The following EPHB1 variants were observed in gnomAD, a reference collection of about 807,000 sequenced individuals.
The protein encoded by EPHB1 is EPH receptor B1, also known as ephrin type-B receptor 1.
Under a neutral mutation model 94.4 loss-of-function variants are expected in EPHB1, and 30 were observed. The ratio of observed to expected loss-of-function variants is 0.32; its 90% CI spans 0.24 to 0.43. The LOEUF is 0.43. Ranked by LOEUF, EPHB1 falls within the 20% of genes least tolerant of loss-of-function variation. The probability of loss-of-function intolerance (pLI) is 1.00; values close to 1 mark genes in which losing one functional copy is unlikely to be tolerated. For missense variants in EPHB1, 1,055 were observed against 1,308.3 expected (o/e 0.81, Z 2.99); for synonymous variants, 522 against 489.1 (o/e 1.07, Z -0.89).
chr3:134,948,762 G>C (rs2039264064), intron 2 of EPHB1, among the ~76,000 whole-genome samples: 1 of 152,266 alleles, frequency 6.6e-6, no homozygotes, highest in Admixed American at 6.5e-5. Context: ...CCAGCGATGT[G>C]CTGCAGCCCC....
At chr3:135,248,963 A>G (rs1035587767) in intron 14 of EPHB1, among the ~76,000 whole-genome samples, 5 of 152,006 alleles carry the variant, frequency 3.3e-5, no homozygotes, top group African/African-American at 9.7e-5. Context: ...TGTTACCAAT[A>G]TATCTGGGGA....
intron 1 of EPHB1, among the ~76,000 whole-genome samples, chr3:134,847,452 ATTAAGT>A (rs1453820660): frequency 3.3e-5 from 5 of 152,198 alleles, no homozygotes; most frequent in African/African-American, 4.8e-5. Context: ...CATGGGGAGG[ATTAAGT>A]GAGATGCTGT....
chr3:135,236,157 CAGGGTCGTT>C, intron 12 of EPHB1, among the ~76,000 whole-genome samples: 1 of 152,282 alleles, frequency 6.6e-6, no homozygotes, highest in East Asian at 1.9e-4. Context: ...AAGGTGTTGG[CAGGGTCGTT>C]CTCCCTTTGA....
intron 1 of EPHB1, among the ~76,000 whole-genome samples, chr3:134,878,874 C>G (rs1308344141): frequency 6.6e-6 from 1 of 152,156 alleles, no homozygotes; most frequent in Admixed American, 6.5e-5. Flanking sequence ...TAGAGGACAA[C>G]TTTTGATGAA....
chr3:134,796,871 T>TG (rs1271756530), intron 1 of EPHB1, among the ~76,000 whole-genome samples: 2 of 152,232 alleles, frequency 1.3e-5, no homozygotes, highest in African/African-American at 4.8e-5. Flanking sequence ...CGTTCCCATC[T>TG]GGGAGCTCGC....
At chr3:134,971,284 A>C (rs1018414766) in intron 3 of EPHB1, among the ~76,000 whole-genome samples, 9 of 152,184 alleles carry the variant, frequency 5.9e-5, no homozygotes, top group Non-Finnish European at 1.5e-5. Context: ...TGTTCTCTGC[A>C]AATGGAGCTC....
chr3:134,922,594 T>C (rs2107700547), intron 1 of EPHB1, among the ~76,000 whole-genome samples: 1 of 152,202 alleles, frequency 6.6e-6, no homozygotes. Context: ...AGAAGTAAGG[T>C]TGATTCTTTT....
chr3:134,998,205 T>C (rs1298255199), intron 3 of EPHB1, among the ~76,000 whole-genome samples: 1 of 152,248 alleles, frequency 6.6e-6, no homozygotes, highest in East Asian at 1.9e-4. Context: ...TTCTGGGTCA[T>C]GACTGTCTTT....
At chr3:134,831,701 C>T (rs1237281092) in intron 1 of EPHB1, among the ~76,000 whole-genome samples, 4 of 152,218 alleles carry the variant, frequency 2.6e-5, no homozygotes, top group Non-Finnish European at 5.9e-5. Context: ...TCCCTGCCTT[C>T]AGGCCACTGT....
intron 1 of EPHB1, among the ~76,000 whole-genome samples, chr3:134,915,794 A>T (rs2038556570): frequency 6.6e-6 from 1 of 152,086 alleles, no homozygotes; most frequent in South Asian, 2.1e-4. Flanking sequence ...GAAGCTGCAG[A>T]CCTTCGCGGT....
intron 3 of EPHB1, among the ~76,000 whole-genome samples, chr3:135,065,666 A>G (rs1180093717): frequency 1.3e-5 from 2 of 152,168 alleles, no homozygotes; most frequent in Admixed American, 6.5e-5. Flanking sequence ...TTTTAAGTGG[A>G]GCATTTAGAC....
At chr3:134,969,812 G>A (rs972475856) in intron 3 of EPHB1, among the ~76,000 whole-genome samples, 3 of 152,134 alleles carry the variant, frequency 2.0e-5, no homozygotes, top group Non-Finnish European at 4.4e-5. Context: ...ATTCTGAGAT[G>A]AGGTCTTAAA....
intron 3 of EPHB1, among the ~76,000 whole-genome samples, chr3:135,077,219 C>T (rs1937966351): frequency 6.6e-6 from 1 of 152,166 alleles, no homozygotes. Context: ...TGGGACAAGT[C>T]TCAGCCTCCA....
chr3:134,840,049 T>A (rs1162027487), intron 1 of EPHB1, among the ~76,000 whole-genome samples: 1 of 152,184 alleles, frequency 6.6e-6, no homozygotes, highest in Non-Finnish European at 1.5e-5. Flanking sequence ...AATCTCTTTT[T>A]TTCTACACTC....
Position 134,829,577 on chromosome 3 carries a change from C to T in EPHB1, c.58+33888C>T, listed in dbSNP as rs140812083. Among the ~76,000 whole-genome samples the T allele has an allele frequency of 6.6e-5, 10 of 152,204 alleles. No individual in the cohort carries two copies. The South Asian group carries it at 1.0e-3, about 16-fold the overall frequency. On this transcript the variant is annotated intron_variant, in intron 1 of 15. Coordinates refer to ENST00000398015, the MANE Select transcript of EPHB1 (RefSeq NM_004441.5). The stretch of plus-strand genomic sequence containing the variant: ...CTTTTAATTTTGAAATAATTTCAGA[C>T]CTAGAGAAAAGTTTTAAGTATATTA...
chr3:134,991,533 C>T (rs1934798389), intron 3 of EPHB1, among the ~76,000 whole-genome samples: 1 of 152,160 alleles, frequency 6.6e-6, no homozygotes, highest in African/African-American at 2.4e-5. Context: ...AATACCCTCT[C>T]AGCATGCTCC....
chr3:135,259,495 T>G lies in EPHB1; in HGVS notation c.*375T>G, dbSNP rs1259909427. 1 of 216,310 alleles carries G rather than the reference T, an allele frequency of 4.6e-6. No individual in the cohort carries two copies. Among genetic ancestry groups the G allele is most frequent in the Non-Finnish European group, 9.3e-6 (1 of 107,450 alleles). The allele number at this position is 216,310 out of a possible 1,614,324, so 13.4% of individuals were successfully genotyped here. On this transcript the variant is annotated 3_prime_UTR_variant, in exon 16 of 16. Coordinates refer to ENST00000398015, the MANE Select transcript of EPHB1 (RefSeq NM_004441.5). ...TAGAGGGAAGAAACAGAAGCAGTGT[T>G]CCATTTTCTTCCTCACCAATGACAT...
chr3:135,181,081 TCTGTTCA>T lies in EPHB1; in HGVS notation c.1882+1103_1882+1109del, dbSNP rs1296618489. Among the ~76,000 whole-genome samples the T allele has an allele frequency of 5.9e-5, 9 of 152,346 alleles. No homozygotes were observed. In the East Asian group the frequency reaches 1.5e-3, roughly 26 times the overall value. ...TCTTTAGGGGGAATGTCACCATCTT[TCTGTTCA>T]CTGCTCTCTTAATGCACTCAGGGGT... On this transcript the variant is annotated intron_variant, in intron 10 of 15. Transcript: ENST00000398015.
intron 12 of EPHB1, among the ~76,000 whole-genome samples, chr3:135,203,144 C>A (rs1324603999): frequency 2.6e-5 from 4 of 152,170 alleles, no homozygotes. Flanking sequence ...TACATGTTCT[C>A]ACTCATAAGT....
Sources: gnomAD v4.1 joint callset for allele counts (sites outside exome capture counted in the v4.1 genomes callset) on GRCh38, gnomAD v4.1.1 for gene constraint, MANE v1.5 for transcripts, NCBI Gene and HGNC (gene_info 2026-07-23, HGNC 2026-07-21) for gene names.